The following VWA5A variants were observed in gnomAD, a reference collection of about 807,000 sequenced individuals.
VWA5A encodes the protein von Willebrand factor A domain containing 5A.
In VWA5A, 77 loss-of-function variants were observed where a neutral mutation model predicts 84.6. The observed-to-expected ratio is 0.91, with a 90% CI of 0.76 to 1.10. The LOEUF is 1.10. Ranked by LOEUF, VWA5A falls within the 50% of genes least tolerant of loss-of-function variation. The pLI is 0.00. For synonymous variants in VWA5A, 334 were observed against 350.1 expected (o/e 0.95, Z 0.51); for missense variants, 973 against 963.0 (o/e 1.01, Z -0.14).
intron 11 of VWA5A, among the ~76,000 whole-genome samples, chr11:124,131,441 A>G (rs1015331752): frequency 5.3e-5 from 8 of 152,228 alleles, no homozygotes; most frequent in Middle Eastern, 3.4e-3. Flanking sequence ...CTGAAACTAT[A>G]GAATGTAAAA....
intron 17 of VWA5A, among the ~76,000 whole-genome samples, chr11:124,143,591 TG>T (rs1438052507): frequency 2.0e-5 from 3 of 152,242 alleles, no homozygotes; most frequent in Non-Finnish European, 4.4e-5. Flanking sequence ...ATTGATTGCA[TG>T]TTAAAATGAT....
rs548488458 is a variant in VWA5A, at chr11:124,123,039, A to C, written c.840A>C (p.Gly280=). 1 of 1,614,010 alleles carries C rather than the reference A, an allele frequency of 6.2e-7. No homozygotes were observed. The highest frequency in any genetic ancestry group is 8.5e-7 in the Non-Finnish European group (1 of 1,180,038). ...AAGATCAACCATCAAATACCTGTGG[A>C]GAGTTTATCTTTCTCATGGACCGCT... ...IPEDQPSNTC[G]EFIFLMDRSG... Residue 280 remains glycine (G), a synonymous_variant, in exon 8 of 19, where the codon GGA becomes GGC. Coordinates refer to ENST00000456829, the MANE Select transcript of VWA5A (RefSeq NM_001130142.2).
In VWA5A at chr11:124,123,643, GTGTT is replaced by G; in HGVS notation, c.1020-11_1020-8del. 4 of 1,614,152 alleles carry G rather than the reference GTGTT, an allele frequency of 2.5e-6. No homozygotes were observed. The highest frequency in any genetic ancestry group is 3.4e-6 in the Non-Finnish European group (4 of 1,180,040). ...TTAAGTAACCCTCATGTAACTGGGT[GTGTT>G]TGTTTTTCTCAGGGAGAGTGTGAAG... is the stretch of plus-strand genomic sequence containing the variant. On this transcript the variant is annotated splice_polypyrimidine_tract_variant and intron_variant, in intron 9 of 18. Transcript: ENST00000456829.
chr11:124,143,012 A>C (rs1447069593), intron 17 of VWA5A, among the ~76,000 whole-genome samples: 3 of 152,134 alleles, frequency 2.0e-5, no homozygotes, highest in Admixed American at 2.0e-4. Flanking sequence ...AAGTTCAGGG[A>C]GGTCTAAAAA....
At chr11:124,119,691 A>G (rs1864899871) in intron 7 of VWA5A, among the ~76,000 whole-genome samples, 1 of 152,202 alleles carries the variant, frequency 6.6e-6, no homozygotes, top group Admixed American at 6.5e-5. Context: ...TAAATTTGCT[A>G]TGCTAGGTAT....
In VWA5A at chr11:124,118,359, G is replaced by A. The variant is rs970122763; in HGVS notation, c.417G>A (p.Gly139=). 7 of 1,614,070 alleles carry A rather than the reference G, an allele frequency of 4.3e-6. No individual in the cohort carries two copies. Among genetic ancestry groups the A allele is most frequent in the East Asian group, 2.2e-5 (1 of 44,898 alleles). ...AGGAGCTGCCTCTGGAAGCAGATGG[G>A]GCTCTGCGCTTTGTGCTCCCAGCTG... ...YVQELPLEAD[G]ALRFVLPAVL... is the part of the protein sequence containing the mutation. The change falls in exon 5 of 19, where the codon GGG becomes GGA. Residue 139 remains glycine (G), a synonymous_variant. Coordinates refer to ENST00000456829, the MANE Select transcript of VWA5A (RefSeq NM_001130142.2).
intron 17 of VWA5A, 29 bp downstream of exon 17, chr11:124,142,601 A>G (rs1301204237): frequency 1.9e-6 from 3 of 1,613,094 alleles, no homozygotes; most frequent in Admixed American, 1.7e-5. Context: ...AGGAGTATGT[A>G]TGTTTTTGAG....
intron 17 of VWA5A, among the ~76,000 whole-genome samples, chr11:124,144,926 T>C (rs915188449): frequency 6.6e-6 from 1 of 152,322 alleles, no homozygotes; most frequent in Non-Finnish European, 1.5e-5. Flanking sequence ...GAAGGTTCTT[T>C]ATAAACTATA....
chr11:124,147,531 G>T lies in VWA5A; in HGVS notation c.*1586G>T, dbSNP rs1860839494. 6.6e-6 allele frequency: 1 copy of T among 152,178 alleles called. No homozygotes were observed. Among genetic ancestry groups the T allele is most frequent in the East Asian group, 1.9e-4 (1 of 5,186 alleles). The allele number at this position is 152,178 out of a possible 1,614,324, so 9.4% of individuals were successfully genotyped here. A position where few individuals can be genotyped will look rare whatever the true frequency, so the allele number is the denominator to read the frequency against. On this transcript the variant is annotated 3_prime_UTR_variant, in exon 19 of 19. Coordinates refer to ENST00000456829, the MANE Select transcript of VWA5A (RefSeq NM_001130142.2). ...TCTAATCTCTCAGTCTTTCTTCCAAGTTTGTTTATGCTGAATGTGATCTGC... is the reference window on the plus strand; with the variant it reads ...TCTAATCTCTCAGTCTTTCTTCCAATTTTGTTTATGCTGAATGTGATCTGC...
At position 124,136,174 on chromosome 11, in the gene VWA5A, G is replaced by A; in HGVS notation, c.1405G>A (p.Val469Ile). The part of the protein sequence containing the change: ...KRSLQPVVED[V>I]SLSWHLPPGL... ...CTCTCTGCAGCCTGTGGTAGAGGATGTCTCTCTGAGCTGGCATTTGCCTCC... is the reference window on the plus strand; with the variant it reads ...CTCTCTGCAGCCTGTGGTAGAGGATATCTCTCTGAGCTGGCATTTGCCTCC... The change falls in exon 13 of 19, where the codon GTC (valine) becomes ATC (isoleucine). Residue 469 changes from valine to isoleucine, a missense_variant. By Grantham distance (29) the Val-to-Ile change is conservative (BLOSUM62 3). Coordinates refer to ENST00000456829, the MANE Select transcript of VWA5A (RefSeq NM_001130142.2). The A allele has an allele frequency of 1.2e-6, 2 of 1,614,164 alleles. No individual in the cohort carries two copies. The highest frequency in any genetic ancestry group is 8.5e-7 in the Non-Finnish European group (1 of 1,180,042).
chr11:124,119,222 ACTATGTCATGC>A, intron 7 of VWA5A, 133 bp downstream of exon 7: 1 of 812,754 alleles, frequency 1.2e-6, no homozygotes, highest in Admixed American at 2.6e-5. Flanking sequence ...AATAGTTTAC[ACTATGTCATGC>A]AAAAATGGTT....
At position 124,136,011 on chromosome 11, in the gene VWA5A, TGAG is replaced by T; in HGVS notation, c.1360-114_1360-112del. 5.2e-6 allele frequency: 6 copies of T among 1,146,156 alleles called. No homozygotes were observed. The South Asian group carries it at 9.0e-5, about 17-fold the overall frequency. The allele number at this position is 1,146,156 out of a possible 1,614,324, so 71.0% of individuals were successfully genotyped here. A position where few individuals can be genotyped will look rare whatever the true frequency, so the allele number is the denominator to read the frequency against. Reference sequence around the variant, plus strand: ...TAAAGCCCATCTCCTAGAATAGTATTGAGGAGTAGGCATGACATGTATTATGTA... The same window carrying T: ...TAAAGCCCATCTCCTAGAATAGTATTGAGTAGGCATGACATGTATTATGTA... On this transcript the variant is annotated intron_variant, in intron 12 of 18. Transcript: ENST00000456829.
At position 124,128,718 on chromosome 11, in the gene VWA5A, A is replaced by T. The variant is rs190516420; in HGVS notation, c.1244+4402A>T. Reference sequence around the variant, plus strand: ...TTCACATCCGTTGTAAGTTGTATTCATAGGTATTTCATTCCTTTGTAGCAA... The same window carrying T: ...TTCACATCCGTTGTAAGTTGTATTCTTAGGTATTTCATTCCTTTGTAGCAA... On this transcript the variant is annotated intron_variant, in intron 11 of 18. Coordinates refer to ENST00000456829, the MANE Select transcript of VWA5A (RefSeq NM_001130142.2). Among the ~76,000 whole-genome samples, 13 of 152,244 alleles carry T rather than the reference A, an allele frequency of 8.5e-5. No individual in the cohort carries two copies. In the East Asian group the frequency reaches 2.5e-3, roughly 29 times the overall value.
chr11:124,121,290 T>G (rs1299297494), intron 7 of VWA5A, among the ~76,000 whole-genome samples: 2 of 152,174 alleles, frequency 1.3e-5, no homozygotes, highest in African/African-American at 2.4e-5. Flanking sequence ...CAAATAATTT[T>G]ATAATATTGG....
At chr11:124,136,049 A>T in intron 12 of VWA5A, 80 bp from the exon 13 acceptor site, 1 of 1,493,520 alleles carries the variant, frequency 6.7e-7, no homozygotes, top group Non-Finnish European at 9.2e-7. Context: ...ATCACATCTG[A>T]TACATAATAA....
chr11:124,118,366 C>T lies in VWA5A; in HGVS notation c.424C>T (p.Arg142Cys), dbSNP rs764067970. 2.1e-5 allele frequency: 34 copies of T among 1,614,092 alleles called. No homozygotes were observed. Among genetic ancestry groups the T allele is most frequent in the South Asian group, 3.3e-5 (3 of 91,086 alleles). ...GCCTCTGGAAGCAGATGGGGCTCTG[C>T]GCTTTGTGCTCCCAGCTGTCCTGAA... is the stretch of plus-strand genomic sequence containing the variant. ...ELPLEADGAL[R>C]FVLPAVLNPR... is the part of the protein sequence containing the mutation. Residue 142 changes from arginine (R) to cysteine (C), a missense_variant, in exon 5 of 19, where the codon CGC (arginine) becomes TGC (cysteine). Transcript: ENST00000456829.
intron 15 of VWA5A, among the ~76,000 whole-genome samples, chr11:124,138,116 A>T (rs1484613024): frequency 6.6e-6 from 1 of 152,170 alleles, no homozygotes; most frequent in Non-Finnish European, 1.5e-5. Context: ...CTCCAAGTTC[A>T]TCTATGTTGT....
At chr11:124,138,742 C>A (rs1860667060) in intron 15 of VWA5A, among the ~76,000 whole-genome samples, 1 of 152,126 alleles carries the variant, frequency 6.6e-6, no homozygotes. Flanking sequence ...TAGGTTGTTT[C>A]TTCACCCTGT....
chr11:124,145,877 C>G lies in VWA5A; in HGVS notation c.2293C>G (p.Pro765Ala). The G allele has an allele frequency of 6.3e-7, 1 of 1,581,632 alleles. No homozygotes were observed. Among genetic ancestry groups the G allele is most frequent in the Non-Finnish European group, 8.6e-7 (1 of 1,159,880 alleles). ...TTTCCTCACCACAGGCTCCACCATG[C>G]CTTCGGTTGTGAAAGCTGCTATTAC... ...WMRAHAGSTM[P>A]SVVKAAITFL... The change falls in exon 19 of 19, where the codon CCT becomes GCT. Residue 765 changes from proline to alanine, a missense_variant. Coordinates refer to ENST00000456829, the MANE Select transcript of VWA5A (RefSeq NM_001130142.2).
Sources: gnomAD v4.1 joint callset for allele counts (sites outside exome capture counted in the v4.1 genomes callset) on GRCh38, gnomAD v4.1.1 for gene constraint, MANE v1.5 for transcripts, NCBI Gene and HGNC (gene_info 2026-07-23, HGNC 2026-07-21) for gene names.